MARCHF1: variants seen among roughly 807,000 people sequenced by gnomAD.
MARCHF1 encodes membrane associated ring-CH-type finger 1, also known as E3 ubiquitin-protein ligase MARCHF1.
Under a neutral mutation model 54.2 loss-of-function variants are expected in MARCHF1, and 40 were observed. The observed-to-expected ratio is 0.74, with a 90% confidence interval of 0.57 to 0.96. MARCHF1 has a LOEUF of 0.96. Ranked by LOEUF, MARCHF1 falls within the 40% of genes least tolerant of loss-of-function variation. The probability of loss-of-function intolerance (pLI) is 0.00; values close to 1 mark genes in which losing one functional copy is unlikely to be tolerated. For missense variants in MARCHF1, 586 were observed against 656.5 expected (o/e 0.89, Z 1.17); for synonymous variants, 236 against 236.3 (o/e 1.00, Z 0.01).
intron 5 of MARCHF1, among the ~76,000 whole-genome samples, chr4:163,661,647 ATT>A (rs1417404285): frequency 2.0e-5 from 3 of 152,072 alleles, no homozygotes; most frequent in Admixed American, 6.6e-5. Flanking sequence ...TAAACAACAT[ATT>A]TAAAGCATAC....
At chr4:163,629,085 T>C (rs1212662959) in intron 5 of MARCHF1, among the ~76,000 whole-genome samples, 4 of 151,562 alleles carry the variant, frequency 2.6e-5, no homozygotes, top group East Asian at 1.9e-4. Context: ...AAAGAACCCA[T>C]ATAGACAACC....
At chr4:163,712,308 CAA>C (rs1745129758) in intron 4 of MARCHF1, among the ~76,000 whole-genome samples, 1 of 152,106 alleles carries the variant, frequency 6.6e-6, no homozygotes, top group African/African-American at 2.4e-5. Flanking sequence ...GTCACACACA[CAA>C]GTGTATGTAT....
chr4:164,263,395 T>C (rs1321424176), intron 1 of MARCHF1, among the ~76,000 whole-genome samples: 2 of 152,164 alleles, frequency 1.3e-5, no homozygotes, highest in Non-Finnish European at 2.9e-5. Context: ...TTTCTCTTTT[T>C]TTAGAGATGT....
chr4:164,043,208 C>T (rs1214863471), intron 2 of MARCHF1, among the ~76,000 whole-genome samples: 1 of 152,208 alleles, frequency 6.6e-6, no homozygotes, highest in African/African-American at 2.4e-5. Flanking sequence ...CATATTTCCC[C>T]TCCATCTGCC....
intron 1 of MARCHF1, among the ~76,000 whole-genome samples, chr4:164,278,207 G>A (rs1250534730): frequency 2.6e-5 from 4 of 152,268 alleles, no homozygotes; most frequent in Admixed American, 2.6e-4. Flanking sequence ...CTACTTGGGA[G>A]GCTGAGGTGG....
At chr4:163,792,141 G>A (rs1747789041) in intron 4 of MARCHF1, among the ~76,000 whole-genome samples, 1 of 151,996 alleles carries the variant, frequency 6.6e-6, no homozygotes, top group African/African-American at 2.4e-5. Context: ...TTGCCACCAA[G>A]GCCTTTAGAT....
At chr4:164,244,206 A>G (rs2111221843) in intron 1 of MARCHF1, among the ~76,000 whole-genome samples, 1 of 152,042 alleles carries the variant, frequency 6.6e-6, no homozygotes, top group African/African-American at 2.4e-5. Flanking sequence ...TATACTGGGA[A>G]GTAAAGCTCT....
intron 1 of MARCHF1, among the ~76,000 whole-genome samples, chr4:164,158,092 A>G (rs972722218): frequency 3.2e-4 from 48 of 152,332 alleles, no homozygotes; most frequent in African/African-American, 1.1e-3. Flanking sequence ...TTGATGCTAT[A>G]TTTGAAATCC....
chr4:163,717,477 A>G (rs940825529), intron 4 of MARCHF1, among the ~76,000 whole-genome samples: 1 of 152,022 alleles, frequency 6.6e-6, no homozygotes, highest in African/African-American at 2.4e-5. Context: ...GTGTCTTTAT[A>G]GCAGCATGTT....
chr4:163,663,221 T>A (rs1308234759), intron 5 of MARCHF1, among the ~76,000 whole-genome samples: 1 of 132,264 alleles, frequency 7.6e-6, no homozygotes, highest in Non-Finnish European at 1.6e-5. Flanking sequence ...TTTTAAATCA[T>A]CTTTTTTTTT....
Position 163,958,127 on chromosome 4 carries a change from CT to C in MARCHF1, c.-39+30373del, listed in dbSNP as rs376396349. On this transcript the variant is annotated intron_variant, in intron 3 of 9. Coordinates refer to ENST00000514618, the MANE Select transcript of MARCHF1 (RefSeq NM_001394959.1). ...ATTTATAACATTCCTGTCTGATGGC[CT>C]TTGCACAGGAACATCTTTGCCTTCA... Among the ~76,000 whole-genome samples, 681 of 152,042 alleles carry C rather than the reference CT, an allele frequency of 4.5e-3. 9 individuals carry two copies. The highest frequency in any genetic ancestry group is 0.016 in the African/African-American group (660 of 41,498).
chr4:164,167,218 C>T (rs575696243), intron 1 of MARCHF1, among the ~76,000 whole-genome samples: 1,881 of 151,172 alleles, frequency 0.012, 35 homozygotes, highest in African/African-American at 0.04. Flanking sequence ...AGCAAACAGT[C>T]TGTTAGGGTT....
intron 5 of MARCHF1, among the ~76,000 whole-genome samples, chr4:163,695,120 A>T (rs150118264): frequency 1.3e-3 from 198 of 152,276 alleles, no homozygotes; most frequent in African/African-American, 4.5e-3. Context: ...ATAAATCAGA[A>T]CATTAAACAC....
intron 1 of MARCHF1, among the ~76,000 whole-genome samples, chr4:164,132,602 G>A (rs940499251): frequency 1.2e-4 from 18 of 152,172 alleles, no homozygotes; most frequent in Non-Finnish European, 2.1e-4. Context: ...TTTTCCCCCT[G>A]CAATCTGTGT....
At chr4:163,777,623 G>A (rs187827188) in intron 4 of MARCHF1, among the ~76,000 whole-genome samples, 67 of 152,170 alleles carry the variant, frequency 4.4e-4, no homozygotes, top group Non-Finnish European at 2.9e-5. Flanking sequence ...ATTTGTTTTG[G>A]CAGGTTTGTA....
chr4:164,116,889 A>T (rs866014007), intron 1 of MARCHF1, among the ~76,000 whole-genome samples: 15 of 152,120 alleles, frequency 9.9e-5, no homozygotes, highest in Admixed American at 2.6e-4. Context: ...ATAATTGACT[A>T]TGAATTCTAT....
chr4:163,955,975 T>C (rs916812854), intron 3 of MARCHF1, among the ~76,000 whole-genome samples: 3 of 152,106 alleles, frequency 2.0e-5, no homozygotes, highest in Non-Finnish European at 2.9e-5. Flanking sequence ...GGATCCTGAA[T>C]TGGATCCTGG....
intron 1 of MARCHF1, among the ~76,000 whole-genome samples, chr4:164,328,824 C>G (rs78756093): frequency 0.12 from 18,835 of 152,102 alleles, 1,925 homozygotes; most frequent in East Asian, 0.43. Flanking sequence ...GCCACCACAC[C>G]CGGCCACATG....
chr4:163,637,836 A>G (rs1560990299), intron 5 of MARCHF1, among the ~76,000 whole-genome samples: 7 of 151,856 alleles, frequency 4.6e-5, no homozygotes, highest in Non-Finnish European at 1.5e-5. Flanking sequence ...AAGACTTGGA[A>G]CCAACCCAAA....
Sources: gnomAD v4.1 joint callset for allele counts (sites outside exome capture counted in the v4.1 genomes callset) on GRCh38, gnomAD v4.1.1 for gene constraint, MANE v1.5 for transcripts, NCBI Gene and HGNC (gene_info 2026-07-23, HGNC 2026-07-21) for gene names.